Variants in MSRB3 observed in about 807,000 individuals in gnomAD.
MSRB3 encodes the protein methionine sulfoxide reductase B3, also known as methionine-R-sulfoxide reductase B3.
A neutral mutation model predicts 21.0 loss-of-function variants in MSRB3; 13 were observed. That is an observed-to-expected ratio of 0.62 (90% confidence interval 0.40 to 0.98). MSRB3 has a LOEUF of 0.98. Ranked by LOEUF, MSRB3 falls within the 50% of genes least tolerant of loss-of-function variation. MSRB3 has a pLI of 0.00. For synonymous variants in MSRB3, 87 were observed against 88.6 expected, an observed-to-expected ratio of 0.98 and a Z score of 0.10; for missense variants, 199 against 230.3, an observed-to-expected ratio of 0.86 and a Z score of 0.88.
chr12:65,387,059 G>C (rs1879228899), intron 5 of MSRB3, among the ~76,000 whole-genome samples: 1 of 151,946 alleles, frequency 6.6e-6, no homozygotes, highest in African/African-American at 2.4e-5. Context: ...TAGAGCTAAT[G>C]GGTGACAGGA....
intron 5 of MSRB3, among the ~76,000 whole-genome samples, chr12:65,423,136 A>G (rs1163798850): frequency 6.6e-5 from 10 of 151,522 alleles, no homozygotes; most frequent in Non-Finnish European, 1.5e-5. Context: ...CTAATTTTGT[A>G]TTTTTAGTAG....
intron 5 of MSRB3, among the ~76,000 whole-genome samples, chr12:65,436,120 A>G (rs1366977963): frequency 6.6e-6 from 1 of 151,820 alleles, no homozygotes; most frequent in Non-Finnish European, 1.5e-5. Flanking sequence ...CCTTGAATTA[A>G]ACTTAGAAGA....
intron 1 of MSRB3, among the ~76,000 whole-genome samples, chr12:65,294,147 A>G (rs1239023414): frequency 6.6e-6 from 1 of 152,308 alleles, no homozygotes; most frequent in South Asian, 2.1e-4. Flanking sequence ...AATCCTTTGA[A>G]ATCTAGGCAT....
intron 4 of MSRB3, among the ~76,000 whole-genome samples, chr12:65,357,941 C>A (rs1877484396): frequency 6.6e-6 from 1 of 151,836 alleles, no homozygotes; most frequent in South Asian, 2.1e-4. Flanking sequence ...ATACTTTTTT[C>A]CCCTCCTTTT....
At chr12:65,395,788 T>C (rs1450529818) in intron 5 of MSRB3, among the ~76,000 whole-genome samples, 1 of 152,192 alleles carries the variant, frequency 6.6e-6, no homozygotes, top group Non-Finnish European at 1.5e-5. Context: ...ATCAAATTTG[T>C]GGGTATAGAA....
intron 1 of MSRB3, 98 bp from the exon 2 acceptor site, chr12:65,308,431 G>A: frequency 6.7e-7 from 1 of 1,485,824 alleles, no homozygotes; most frequent in Non-Finnish European, 9.1e-7. Flanking sequence ...CATGTGTTCA[G>A]TTCCAGATAA....
intron 6 of MSRB3, among the ~76,000 whole-genome samples, chr12:65,458,716 C>A (rs1027763973): frequency 3.3e-5 from 5 of 152,154 alleles, no homozygotes; most frequent in Non-Finnish European, 7.3e-5. Flanking sequence ...TTATCTCTTC[C>A]AAAGAGGATC....
chr12:65,326,522 C>T (rs1875042028), intron 2 of MSRB3, among the ~76,000 whole-genome samples: 2 of 151,962 alleles, frequency 1.3e-5, no homozygotes, highest in South Asian at 4.2e-4. Flanking sequence ...AAAAGGGTTT[C>T]AGGATACTGG....
intron 2 of MSRB3, among the ~76,000 whole-genome samples, chr12:65,324,167 T>G (rs1874867135): frequency 6.6e-6 from 1 of 152,114 alleles, no homozygotes; most frequent in Non-Finnish European, 1.5e-5. Context: ...TGTAAAAAAA[T>G]TTTGCTAATT....
chr12:65,309,650 T>C (rs1226867393), intron 2 of MSRB3, among the ~76,000 whole-genome samples: 1 of 152,140 alleles, frequency 6.6e-6, no homozygotes, highest in Admixed American at 6.5e-5. Flanking sequence ...GAAGAAATGT[T>C]GGAAGGAAGG....
chr12:65,410,244 T>G (rs1278770354), intron 5 of MSRB3, among the ~76,000 whole-genome samples: 1 of 152,204 alleles, frequency 6.6e-6, no homozygotes, highest in Non-Finnish European at 1.5e-5. Flanking sequence ...TTAGATCATC[T>G]TATTTTATCT....
At chr12:65,442,751 C>T (rs1021806070) in intron 5 of MSRB3, among the ~76,000 whole-genome samples, 1 of 151,954 alleles carries the variant, frequency 6.6e-6, no homozygotes, top group East Asian at 1.9e-4. Flanking sequence ...AATTTGAAAC[C>T]ATTTTGAGAG....
intron 5 of MSRB3, among the ~76,000 whole-genome samples, chr12:65,397,386 T>C (rs1041973757): frequency 3.3e-5 from 5 of 152,194 alleles, no homozygotes; most frequent in African/African-American, 1.2e-4. Flanking sequence ...ATAATCACTT[T>C]AGTAATAGCA....
In MSRB3 at chr12:65,463,619, T is replaced by C. The variant is rs1487956560; in HGVS notation, c.*297T>C. 11 of 377,778 alleles carry C rather than the reference T, an allele frequency of 2.9e-5. No individual in the cohort carries two copies. The highest frequency in any genetic ancestry group is 1.3e-4 in the East Asian group (2 of 15,514). 23.4% of individuals were successfully genotyped at this position (377,778 alleles called of 1,614,324 possible). On this transcript the variant is annotated 3_prime_UTR_variant, in exon 7 of 7. Coordinates refer to ENST00000308259, the MANE Select transcript of MSRB3 (RefSeq NM_001031679.3). ...AGCACATGGCTTCTTTTGCAGTTTTTCCCCCTTTGATTCAGAAGCAGAGGG... is the reference window on the plus strand; with the variant it reads ...AGCACATGGCTTCTTTTGCAGTTTTCCCCCCTTTGATTCAGAAGCAGAGGG...
chr12:65,369,536 A>G (rs956838143), intron 5 of MSRB3, among the ~76,000 whole-genome samples: 3 of 152,190 alleles, frequency 2.0e-5, no homozygotes, highest in Non-Finnish European at 2.9e-5. Context: ...CATTATTTTG[A>G]ATCTATTAAG....
chr12:65,394,262 A>G (rs1306445602), intron 5 of MSRB3, among the ~76,000 whole-genome samples: 1 of 152,180 alleles, frequency 6.6e-6, no homozygotes, highest in East Asian at 1.9e-4. Context: ...AGAGGATATA[A>G]TTGTTTTACT....
At chr12:65,457,214 A>T (rs1291141619) in intron 6 of MSRB3, among the ~76,000 whole-genome samples, 1 of 151,606 alleles carries the variant, frequency 6.6e-6, no homozygotes, top group Non-Finnish European at 1.5e-5. Flanking sequence ...CGTTTATTTT[A>T]TTTTATTTTA....
At chr12:65,324,669 G>GA in intron 2 of MSRB3, among the ~76,000 whole-genome samples, 1 of 152,186 alleles carries the variant, frequency 6.6e-6, no homozygotes, top group Non-Finnish European at 1.5e-5. Flanking sequence ...GAAAAAGAGA[G>GA]AAACATCTTT....
At chr12:65,447,933 A>G (rs1293065978) in intron 5 of MSRB3, among the ~76,000 whole-genome samples, 1 of 152,232 alleles carries the variant, frequency 6.6e-6, no homozygotes, top group East Asian at 1.9e-4. Flanking sequence ...TCATAATCCA[A>G]ACAAAAATAA....
Sources: gnomAD v4.1 joint callset for allele counts (sites outside exome capture counted in the v4.1 genomes callset) on GRCh38, gnomAD v4.1.1 for gene constraint, MANE v1.5 for transcripts, NCBI Gene and HGNC (gene_info 2026-07-23, HGNC 2026-07-21) for gene names.